The following MITF variants were observed in gnomAD, a reference collection of about 807,000 sequenced individuals.
The protein encoded by MITF is microphthalmia-associated transcription factor.
Under a neutral mutation model 60.5 loss-of-function variants are expected in MITF, and 17 were observed. That is an observed-to-expected ratio of 0.28 (90% CI 0.19 to 0.42). The LOEUF is 0.42. Among genes scored for constraint, MITF ranks in the 10% least tolerant of loss-of-function variants. The pLI is 1.00. For synonymous variants in MITF, 260 were observed against 248.5 expected (o/e 1.05, Z -0.43); for missense variants, 622 against 683.5 (o/e 0.91, Z 1.00).
At chr3:69,847,260 G>A (rs2063748027) in intron 1 of MITF, among the ~76,000 whole-genome samples, 2 of 152,134 alleles carry the variant, frequency 1.3e-5, no homozygotes, top group Admixed American at 6.5e-5. Context: ...TACATATTTG[G>A]TAAAGAGTGA....
intron 2 of MITF, among the ~76,000 whole-genome samples, chr3:69,896,024 TTCCCTTGAA>T (rs1216326288): frequency 6.6e-6 from 1 of 152,024 alleles, no homozygotes; most frequent in African/African-American, 2.4e-5. Context: ...CCTTCCTGCC[TTCCCTTGAA>T]TCCTAGCTCT....
At chr3:69,957,875 G>C (rs2066438617) in intron 8 of MITF, among the ~76,000 whole-genome samples, 1 of 152,150 alleles carries the variant, frequency 6.6e-6, no homozygotes, top group Non-Finnish European at 1.5e-5. Context: ...CTATATGGTG[G>C]TTTCCCACAC....
chr3:69,907,351 C>T (rs544222601), intron 2 of MITF, among the ~76,000 whole-genome samples: 15 of 152,170 alleles, frequency 9.9e-5, no homozygotes, highest in African/African-American at 2.6e-4. Context: ...AATAAATGAA[C>T]GAGTTATTCA....
At chr3:69,808,624 G>C (rs1231669618) in intron 1 of MITF, among the ~76,000 whole-genome samples, 1 of 152,076 alleles carries the variant, frequency 6.6e-6, no homozygotes, top group Admixed American at 6.5e-5. Context: ...AGGGAGTACG[G>C]TGTGACCAAG....
At chr3:69,806,572 T>A (rs2063012353) in intron 1 of MITF, among the ~76,000 whole-genome samples, 1 of 152,142 alleles carries the variant, frequency 6.6e-6, no homozygotes, top group Non-Finnish European at 1.5e-5. Flanking sequence ...TTATGGATCT[T>A]TAGAGGTGGG....
Position 69,859,550 on chromosome 3 carries a change from A to G in MITF, c.105-19584A>G, listed in dbSNP as rs113268319. On this transcript the variant is annotated intron_variant, in intron 1 of 9. Transcript: ENST00000352241. ...ATGGAATCAAGGGAAGGGTGGGTTC[A>G]TCTCAGCGGCTGTGAGCTTAGCCAA... Among the ~76,000 whole-genome samples the G allele has an allele frequency of 8.8e-3, 1,337 of 152,250 alleles. 17 individuals are homozygous for G. The highest frequency in any genetic ancestry group is 0.029 in the African/African-American group (1,216 of 41,542).
chr3:69,803,714 A>T (rs1446065717), intron 1 of MITF, among the ~76,000 whole-genome samples: 4 of 152,246 alleles, frequency 2.6e-5, no homozygotes. Context: ...TCAAAACGAT[A>T]CATCTAAGGC....
At chr3:69,913,112 TG>T (rs1438211445) in intron 2 of MITF, among the ~76,000 whole-genome samples, 1 of 152,082 alleles carries the variant, frequency 6.6e-6, no homozygotes, top group African/African-American at 2.4e-5. Context: ...TGTAACCAGA[TG>T]TTTGTTTTGA....
intron 1 of MITF, among the ~76,000 whole-genome samples, chr3:69,876,130 T>C (rs1010702641): frequency 6.6e-6 from 1 of 152,210 alleles, no homozygotes; most frequent in Non-Finnish European, 1.5e-5. Context: ...GACTTTCACG[T>C]ATGAAGACTT....
In MITF at chr3:69,862,062, A is replaced by G. The variant is rs1369097965; in HGVS notation, c.105-17072A>G. On this transcript the variant is annotated intron_variant, in intron 1 of 9. Coordinates refer to ENST00000352241, the MANE Select transcript of MITF (RefSeq NM_001354604.2). Reference sequence around the variant, plus strand: ...GATAATATTATATATAGCTATATATATTATAATGTTATATTATATATTAGT... The same window carrying G: ...GATAATATTATATATAGCTATATATGTTATAATGTTATATTATATATTAGT... Among the ~76,000 whole-genome samples the G allele has an allele frequency of 7.3e-5, 11 of 151,206 alleles. No individual in the cohort carries two copies. In the East Asian group the frequency reaches 2.1e-3, roughly 29 times the overall value.
chr3:69,925,941 C>T (rs2065576177), intron 2 of MITF, among the ~76,000 whole-genome samples: 1 of 152,128 alleles, frequency 6.6e-6, no homozygotes, highest in Non-Finnish European at 1.5e-5. Context: ...TGGTTCATTA[C>T]TCTGTGTTTG....
intron 1 of MITF, among the ~76,000 whole-genome samples, chr3:69,755,133 T>C (rs149030013): frequency 3.9e-5 from 6 of 152,320 alleles, no homozygotes; most frequent in Non-Finnish European, 7.3e-5. Flanking sequence ...GCCAGAACAA[T>C]TTTTGTCTTT....
chr3:69,857,269 G>A (rs1451674492), intron 1 of MITF, among the ~76,000 whole-genome samples: 1 of 152,086 alleles, frequency 6.6e-6, no homozygotes, highest in Non-Finnish European at 1.5e-5. Flanking sequence ...AGAGAGGAAA[G>A]TGTGGGCTCT....
intron 1 of MITF, among the ~76,000 whole-genome samples, chr3:69,824,871 A>C (rs190580606): frequency 4.6e-5 from 7 of 152,274 alleles, no homozygotes; most frequent in African/African-American, 1.7e-4. Flanking sequence ...GATTCCAGTA[A>C]GCTCCACCAC....
intron 1 of MITF, among the ~76,000 whole-genome samples, chr3:69,804,226 G>A (rs2062968820): frequency 6.6e-6 from 1 of 152,078 alleles, no homozygotes; most frequent in East Asian, 1.9e-4. Context: ...TTTGTTTCTT[G>A]ATCAAGTTTT....
At chr3:69,929,364 G>A (rs2065665104) in intron 2 of MITF, among the ~76,000 whole-genome samples, 1 of 152,128 alleles carries the variant, frequency 6.6e-6, no homozygotes, top group African/African-American at 2.4e-5. Context: ...TAGGAGACAA[G>A]GTCAATGAGG....
chr3:69,909,051 C>G (rs573038119), intron 2 of MITF, among the ~76,000 whole-genome samples: 3 of 152,102 alleles, frequency 2.0e-5, no homozygotes, highest in Admixed American at 6.5e-5. Flanking sequence ...TACGGCTTGG[C>G]TGTGTCCCCA....
In MITF at chr3:69,965,663, A is replaced by C; in HGVS notation, c.*415A>C. ...TAAAGCAACCAAAAAGAAAAAAAAA[A>C]AGAAAGAAAGAGGAAAAGAAATCCA... On this transcript the variant is annotated 3_prime_UTR_variant, in exon 10 of 10. Coordinates refer to ENST00000352241, the MANE Select transcript of MITF (RefSeq NM_001354604.2). 1 of 254,168 alleles carries C rather than the reference A, an allele frequency of 3.9e-6. No individual in the cohort carries two copies. The highest frequency in any genetic ancestry group is 7.7e-6 in the Non-Finnish European group (1 of 129,144). 15.7% of individuals were successfully genotyped at this position (254,168 alleles called of 1,614,324 possible).
At chr3:69,778,010 T>G (rs776266778) in intron 1 of MITF, among the ~76,000 whole-genome samples, 1 of 151,684 alleles carries the variant, frequency 6.6e-6, no homozygotes, top group Non-Finnish European at 1.5e-5. Context: ...AGAAAACCAA[T>G]AAGGAGCAGT....
Sources: allele counts gnomAD v4.1 joint callset (sites outside exome capture counted in the v4.1 genomes callset), GRCh38; gene constraint gnomAD v4.1.1; transcripts MANE v1.5; gene names NCBI Gene and HGNC (gene_info 2026-07-23, HGNC 2026-07-21).